Variants in AXL observed in about 807,000 individuals in gnomAD.
The protein encoded by AXL is AXL receptor tyrosine kinase.
Under a neutral mutation model 104.5 loss-of-function variants are expected in AXL, and 52 were observed. The observed-to-expected ratio is 0.50, with a 90% CI of 0.40 to 0.63. AXL has a LOEUF of 0.63. Among genes scored for constraint, AXL ranks in the 20% least tolerant of loss-of-function variants. The pLI, the probability that AXL is intolerant of heterozygous loss-of-function variation, is 0.00. For missense variants in AXL, 1,024 were observed against 1,188.5 expected (o/e 0.86, Z 2.04); for synonymous variants, 455 against 473.7 (o/e 0.96, Z 0.51).
In AXL at chr19:41,257,625, G is replaced by A. The variant is rs2034475670; in HGVS notation, c.2329G>A (p.Gly777Arg). The stretch of plus-strand genomic sequence containing the variant: ...GAAGCAGCCTGCGGACTGTCTGGAT[G>A]GACTGTGAGGACCCTTAGGTCTCCC... ...RLKQPADCLDGLYALMSRCWE... is the reference protein window; with the variant it reads ...RLKQPADCLDRLYALMSRCWE... Residue 777 changes from glycine (G) to arginine (R), a missense_variant, in exon 19 of 20, where the codon GGA becomes AGA. Physicochemically the swap from Gly to Arg is moderately radical, Grantham distance 125 (BLOSUM62 -2). Coordinates refer to ENST00000301178, the MANE Select transcript of AXL (RefSeq NM_021913.5). The A allele has an allele frequency of 2.5e-6, 4 of 1,614,138 alleles. No individual in the cohort carries two copies. Among genetic ancestry groups the A allele is most frequent in the Non-Finnish European group, 3.4e-6 (4 of 1,180,020 alleles).
intron 16 of AXL, 108 bp downstream of exon 16, chr19:41,253,075 C>A: frequency 8.0e-7 from 1 of 1,245,488 alleles, no homozygotes; most frequent in East Asian, 2.4e-5. Context: ...GCTTGCTCTC[C>A]TGGAGCATTT....
At chr19:41,250,133 T>G (rs12978323) in intron 14 of AXL, among the ~76,000 whole-genome samples, 52,649 of 152,068 alleles carry the variant, frequency 0.35, 10,011 homozygotes, top group African/African-American at 0.5. Flanking sequence ...CAAAGCTGTT[T>G]TGAGGCAAAG....
chr19:41,219,670 T>C (rs2033749974), intron 1 of AXL, among the ~76,000 whole-genome samples, 193 bp downstream of exon 1: 1 of 140,090 alleles, frequency 7.1e-6, no homozygotes, highest in South Asian at 2.2e-4. Flanking sequence ...AGAGAAAGAC[T>C]GAGAGAGGAA....
chr19:41,233,700 A>AG (rs2034032816), intron 6 of AXL, among the ~76,000 whole-genome samples: 1 of 146,310 alleles, frequency 6.8e-6, no homozygotes, highest in African/African-American at 2.5e-5. Flanking sequence ...AGGCCCAGAG[A>AG]GGGGCCCCCT....
chr19:41,231,010 C>A lies in AXL; in HGVS notation c.630C>A (p.Ala210=). ...TSSFSCEAHN[A]KGVTTSRTAT... is the part of the protein sequence containing the mutation. ...CTTTCTCCTGCGAAGCCCATAACGC[C>A]AAGGGGGTCACCACATCCCGCACAG... Residue 210 remains alanine, a synonymous_variant, in exon 5 of 20, where the codon GCC becomes GCA. Transcript: ENST00000301178. The A allele has an allele frequency of 6.2e-7, 1 of 1,613,966 alleles. No individual in the cohort carries two copies. Among genetic ancestry groups the A allele is most frequent in the South Asian group, 1.1e-5 (1 of 91,082 alleles).
intron 4 of AXL, among the ~76,000 whole-genome samples, chr19:41,223,459 G>A (rs2033828231): frequency 6.6e-6 from 1 of 152,098 alleles, no homozygotes; most frequent in African/African-American, 2.4e-5. Context: ...TGGATTCAGG[G>A]GGTTCTCCCT....
At chr19:41,257,694 C>T (rs2034477272) in intron 19 of AXL, 65 bp downstream of exon 19, 1 of 1,593,684 alleles carries the variant, frequency 6.3e-7, no homozygotes, top group Non-Finnish European at 8.6e-7. Context: ...CCCCAGATGG[C>T]CCTCACAGGT....
intron 6 of AXL, among the ~76,000 whole-genome samples, chr19:41,235,081 G>C (rs1475803478): frequency 1.3e-5 from 2 of 152,162 alleles, no homozygotes; most frequent in African/African-American, 2.4e-5. Context: ...GGCCGGGCAC[G>C]GTGGCTCGTG....
intron 4 of AXL, among the ~76,000 whole-genome samples, chr19:41,230,001 CTA>C (rs762460755): frequency 1.3e-5 from 2 of 150,510 alleles, no homozygotes; most frequent in African/African-American, 4.9e-5. Context: ...TTTTGTGTGT[CTA>C]TGTGTGAGTA....
intron 14 of AXL, among the ~76,000 whole-genome samples, chr19:41,250,919 C>T (rs1432569322): frequency 6.6e-6 from 1 of 152,124 alleles, no homozygotes; most frequent in East Asian, 1.9e-4. Flanking sequence ...TTGGGCAAGT[C>T]ATTTTGCCTC....
chr19:41,237,104 A>C (rs936565424), intron 6 of AXL, among the ~76,000 whole-genome samples: 2 of 152,190 alleles, frequency 1.3e-5, no homozygotes, highest in Non-Finnish European at 2.9e-5. Flanking sequence ...CATCCAAATC[A>C]AGACACAGAC....
chr19:41,248,803 C>G lies in AXL; in HGVS notation c.1694C>G (p.Ala565Gly), dbSNP rs374586885. ...LNQDDSILKV[A>G]VKTMKIAICT... is the part of the protein sequence containing the mutation. ...CAGGACGACTCCATCCTCAAGGTGG[C>G]TGTGAAGACGATGAAGAGTGAGTTA... is the stretch of plus-strand genomic sequence containing the variant. Residue 565 changes from alanine to glycine, a missense_variant, in exon 14 of 20, where the codon GCT (alanine) becomes GGT (glycine). By Grantham distance (60) the Ala-to-Gly change is moderately conservative. This residue lies in a region of AXL where 523 missense variants were observed against 636.0 expected (regional missense o/e 0.82). Transcript: ENST00000301178. The G allele has an allele frequency of 1.1e-5, 17 of 1,612,402 alleles. No individual in the cohort carries two copies. The highest frequency in any genetic ancestry group is 1.3e-5 in the Non-Finnish European group (15 of 1,179,186).
Position 41,253,502 on chromosome 19 carries a change from C to T in AXL, c.1927-97C>T, listed in dbSNP as rs2034400921. 7 of 915,278 alleles carry T rather than the reference C, an allele frequency of 7.6e-6. No individual in the cohort carries two copies. The Middle Eastern group carries it at 6.4e-4, about 83-fold the overall frequency. The allele number at this position is 915,278 out of a possible 1,614,324, so 56.7% of individuals were successfully genotyped here. ...GAATTGTCAGGGCCATGGGAAACCA[C>T]TGCGGGCAGAGCTAGGCTTGCACAG... On this transcript the variant is annotated intron_variant, in intron 16 of 19. Transcript: ENST00000301178.
intron 10 of AXL, among the ~76,000 whole-genome samples, chr19:41,241,983 C>G (rs936038105): frequency 3.3e-5 from 5 of 151,706 alleles, no homozygotes; most frequent in African/African-American, 1.2e-4. Context: ...TCCCCACTCA[C>G]CTGCTTATCT....
At chr19:41,221,465 G>A in intron 3 of AXL, 1 of 539,588 alleles carries the variant, frequency 1.9e-6, no homozygotes, top group Non-Finnish European at 3.3e-6. Flanking sequence ...TATGTTCTGG[G>A]TGAAAAGACT....
chr19:41,244,007 A>G, intron 12 of AXL: 4 of 296,294 alleles, frequency 1.4e-5, no homozygotes, highest in South Asian at 5.7e-5. Flanking sequence ...GGAGTTCGAG[A>G]ACAGCCTGGG....
At chr19:41,223,156 G>A (rs571698625) in intron 4 of AXL, among the ~76,000 whole-genome samples, 7 of 151,828 alleles carry the variant, frequency 4.6e-5, no homozygotes, top group East Asian at 2.0e-4. Context: ...TTAGCCAGGC[G>A]TGGTGACGGG....
chr19:41,230,702 CCTGTGTGTGT>C (rs1454543923), intron 4 of AXL, among the ~76,000 whole-genome samples: 1 of 151,282 alleles, frequency 6.6e-6, no homozygotes, highest in African/African-American at 2.4e-5. Context: ...TGTGCCTGTG[CCTGTGTGTGT>C]CTGTGTGTGT....
chr19:41,256,020 C>T (rs369571620), intron 17 of AXL, among the ~76,000 whole-genome samples: 2 of 152,330 alleles, frequency 1.3e-5, no homozygotes, highest in African/African-American at 4.8e-5. Context: ...GCTGGGATTA[C>T]AGGCGCCAGC....
Sources: allele counts gnomAD v4.1 joint callset (sites outside exome capture counted in the v4.1 genomes callset), GRCh38; gene constraint gnomAD v4.1.1; regional missense constraint gnomAD v4.1.1; transcripts MANE v1.5; gene names NCBI Gene and HGNC (gene_info 2026-07-23, HGNC 2026-07-21).